AOC3: variants seen among roughly 807,000 people sequenced by gnomAD.
The protein encoded by AOC3 is amine oxidase [copper-containing] 3.
Under a neutral mutation model 55.4 loss-of-function variants are expected in AOC3, and 47 were observed. That is an observed-to-expected ratio of 0.85 (90% CI 0.67 to 1.08). The LOEUF is 1.08. Among genes scored for constraint, AOC3 ranks in the 50% least tolerant of loss-of-function variants. The probability of loss-of-function intolerance (pLI) is 0.00; values close to 1 mark genes in which losing one functional copy is unlikely to be tolerated. For missense variants in AOC3, 853 were observed against 993.1 expected (o/e 0.86, Z 1.90); for synonymous variants, 386 against 410.7 (o/e 0.94, Z 0.73).
rs1475791794 is a variant in AOC3, at chr17:42,851,314, G to A, written c.-30G>A. Reference sequence around the variant, plus strand: ...CGTGAGAATACATTGCTCTCCTTTGGTTGAATCAGCTGTCCCTCTTCGTGG... The same window carrying A: ...CGTGAGAATACATTGCTCTCCTTTGATTGAATCAGCTGTCCCTCTTCGTGG... On this transcript the variant is annotated 5_prime_UTR_variant, in exon 1 of 4. Transcript: ENST00000308423. 1 of 1,567,246 alleles carries A rather than the reference G, an allele frequency of 6.4e-7. No homozygotes were observed. The highest frequency in any genetic ancestry group is 1.2e-5 in the South Asian group (1 of 82,130).
chr17:42,856,146 CTT>C, intron 3 of AOC3, 127 bp from the exon 4 acceptor site: 1 of 1,179,628 alleles, frequency 8.5e-7, no homozygotes, highest in East Asian at 2.3e-5. Context: ...ACTACTTATG[CTT>C]TGACTCCTAC....
intron 1 of AOC3, 78 bp from the exon 2 acceptor site, chr17:42,854,370 C>G: frequency 2.2e-6 from 3 of 1,359,368 alleles, no homozygotes; most frequent in Non-Finnish European, 2.9e-6. Flanking sequence ...GGCCCCCACT[C>G]TGAAGCCAGA....
rs1385688530 is a variant in AOC3, at chr17:42,851,925, T to A, written c.582T>A (p.Leu194=). The change falls in exon 1 of 4, where the codon CTT becomes CTA. Residue 194 remains leucine, a synonymous_variant. Coordinates refer to ENST00000308423, the MANE Select transcript of AOC3 (RefSeq NM_003734.4). ...FNRELPQASG[L]LHHCCFYKHR... is the part of the protein sequence containing the mutation. Reference sequence around the variant, plus strand: ...GAGAGCTGCCCCAGGCTTCTGGGCTTCTCCACCACTGTTGCTTCTACAAGC... The same window carrying A: ...GAGAGCTGCCCCAGGCTTCTGGGCTACTCCACCACTGTTGCTTCTACAAGC... 1.2e-6 allele frequency: 2 copies of A among 1,613,632 alleles called. No homozygotes were observed. Among genetic ancestry groups the A allele is most frequent in the Admixed American group, 3.3e-5 (2 of 60,004 alleles).
rs914484762 is a variant in AOC3, at chr17:42,857,335, C to T, written c.*785C>T. On this transcript the variant is annotated 3_prime_UTR_variant, in exon 4 of 4. Transcript: ENST00000308423. The stretch of plus-strand genomic sequence containing the variant: ...TCTGTGCATTTGTGTCTGCCTGCCT[C>T]ATGCTCTCTATAGAGGAGGATGGTC... 3.9e-5 allele frequency: 6 copies of T among 152,460 alleles called. No homozygotes were observed. The highest frequency in any genetic ancestry group is 3.7e-4 in the East Asian group (2 of 5,340). The allele number at this position is 152,460 out of a possible 1,614,324, so 9.4% of individuals were successfully genotyped here.
rs762888597 is a variant in AOC3 at position 42,852,741 on chromosome 17, C to T, written c.1398C>T (p.Ser466=). Residue 466 remains serine, a synonymous_variant, in exon 1 of 4, where the codon TCC becomes TCT. Transcript: ENST00000308423. ...CGGTGCTGGTCGTCAGATCTATGTC[C>T]ACCTTGCTCAACTATGACTATGTGT... ...AETVLVVRSM[S]TLLNYDYVWD... 7 of 1,614,224 alleles carry T rather than the reference C, an allele frequency of 4.3e-6. No homozygotes were observed. The Admixed American group carries it at 5.0e-5, about 12-fold the overall frequency.
chr17:42,854,414 C>T, intron 1 of AOC3, 34 bp from the exon 2 acceptor site: 1 of 1,452,700 alleles, frequency 6.9e-7, no homozygotes, highest in Non-Finnish European at 9.1e-7. Flanking sequence ...AGGGCAGTTG[C>T]CTGACAGGCC....
chr17:42,851,637 A>G lies in AOC3; in HGVS notation c.294A>G (p.Ser98=), dbSNP rs1403194520. ...QARPSDNCVF[S]VELQLPPKAA... is the part of the protein sequence containing the mutation. ...GGCCCTCGGACAACTGTGTCTTCTC[A>G]GTGGAGTTGCAGCTGCCTCCCAAGG... Residue 98 remains serine, a synonymous_variant, in exon 1 of 4, where the codon TCA becomes TCG. Transcript: ENST00000308423. 2 of 1,612,696 alleles carry G rather than the reference A, an allele frequency of 1.2e-6. No individual in the cohort carries two copies. Among genetic ancestry groups the G allele is most frequent in the East Asian group, 2.2e-5 (1 of 44,824 alleles).
rs1222760553 is a variant in AOC3 at position 42,852,692 on chromosome 17, A to T, written c.1349A>T (p.His450Leu). 6.2e-7 allele frequency: 1 copy of T among 1,614,092 alleles called. No homozygotes were observed. The highest frequency in any genetic ancestry group is 2.2e-5 in the East Asian group (1 of 44,886). The change falls in exon 1 of 4, where the codon CAC (histidine) becomes CTC (leucine). Residue 450 changes from histidine to leucine, a missense_variant. Physicochemically the swap from His to Leu is moderately conservative, Grantham distance 99. Transcript: ENST00000308423. ...LRRHHSDLYS[H>L]YFGGLAETVL... ...CGACACCACTCAGATCTCTACTCGCACTACTTTGGGGGTCTTGCGGAAACG... is the reference window on the plus strand; with the variant it reads ...CGACACCACTCAGATCTCTACTCGCTCTACTTTGGGGGTCTTGCGGAAACG...
chr17:42,853,508 C>A, intron 1 of AOC3: 1 of 613,466 alleles, frequency 1.6e-6, no homozygotes, highest in Non-Finnish European at 2.0e-6. Context: ...AGTCTGGTCA[C>A]AGAGAGAGCC....
In AOC3 at chr17:42,855,584, C is replaced by T. The variant is rs569886039; in HGVS notation, c.2016+11C>T. On this transcript the variant is annotated intron_variant, in intron 3 of 3. Transcript: ENST00000308423. ...ACCATTGCTGGAAAGGTCAGCTGGC[C>T]GGGGTAGAGGGTACAGGATGAGCCT... The T allele has an allele frequency of 3.0e-5, 49 of 1,614,080 alleles. No individual in the cohort carries two copies. The highest frequency in any genetic ancestry group is 1.7e-4 in the Admixed American group (10 of 60,018).
rs944436911 is a variant in AOC3, at chr17:42,852,945, T to G, written c.1600+2T>G. On this transcript the variant is annotated splice_donor_variant, in intron 1 of 3. Transcript: ENST00000308423. LOFTEE classifies it high-confidence loss of function. ...TCAAGGTGGATCTGGATGTAGCAGG[T>G]AAGACATTTTGGTGGGGAGAAGGCT... 36 of 1,597,676 alleles carry G rather than the reference T, an allele frequency of 2.3e-5. No individual in the cohort carries two copies. The highest frequency in any genetic ancestry group is 3.0e-5 in the Non-Finnish European group (35 of 1,166,382).
chr17:42,857,801 C>T lies in AOC3; in HGVS notation c.*1251C>T, dbSNP rs190353703. ...TTAAATCAATTCTGATACAGCCTTACAATACAATAGTATGCAGCTAAAAAA... is the reference window on the plus strand; with the variant it reads ...TTAAATCAATTCTGATACAGCCTTATAATACAATAGTATGCAGCTAAAAAA... On this transcript the variant is annotated 3_prime_UTR_variant, in exon 4 of 4. Coordinates refer to ENST00000308423, the MANE Select transcript of AOC3 (RefSeq NM_003734.4). 3.3e-4 allele frequency: 50 copies of T among 152,286 alleles called. No individual in the cohort carries two copies. The highest frequency in any genetic ancestry group is 2.7e-3 in the Admixed American group (42 of 15,302). The allele number at this position is 152,286 out of a possible 1,614,324, so 9.4% of individuals were successfully genotyped here.
chr17:42,854,503 C>T lies in AOC3; in HGVS notation c.1656C>T (p.Pro552=). Reference sequence around the variant, plus strand: ...TGGTCTTTGTCCCCATGGCTGTGCCCTGGAGCCCTGAGCACCAGCTGCAGA... The same window carrying T: ...TGGTCTTTGTCCCCATGGCTGTGCCTTGGAGCCCTGAGCACCAGCTGCAGA... ...EDMVFVPMAV[P]WSPEHQLQRL... Residue 552 remains proline, a synonymous_variant, in exon 2 of 4, where the codon CCC becomes CCT. Transcript: ENST00000308423. The T allele has an allele frequency of 6.2e-7, 1 of 1,603,046 alleles. No homozygotes were observed. The highest frequency in any genetic ancestry group is 1.1e-5 in the South Asian group (1 of 89,938).
Position 42,852,660 on chromosome 17 carries a change from C to A in AOC3, c.1317C>A (p.Pro439=). ...FCVFEQNQGL[P]LRRHHSDLYS... Reference sequence around the variant, plus strand: ...TGTTTGAACAGAACCAGGGCCTCCCCCTGCGGCGACACCACTCAGATCTCT... The same window carrying A: ...TGTTTGAACAGAACCAGGGCCTCCCACTGCGGCGACACCACTCAGATCTCT... The change falls in exon 1 of 4, where the codon CCC becomes CCA. Residue 439 remains proline (P), a synonymous_variant. Coordinates refer to ENST00000308423, the MANE Select transcript of AOC3 (RefSeq NM_003734.4). 2 of 1,614,174 alleles carry A rather than the reference C, an allele frequency of 1.2e-6. No individual in the cohort carries two copies. The highest frequency in any genetic ancestry group is 1.7e-6 in the Non-Finnish European group (2 of 1,180,042).
At position 42,852,690 on chromosome 17, in the gene AOC3, G is replaced by A. The variant is rs115107156; in HGVS notation, c.1347G>A (p.Ser449=). The change falls in exon 1 of 4, where the codon TCG becomes TCA. Residue 449 remains serine (S), a synonymous_variant. Transcript: ENST00000308423. ...PLRRHHSDLY[S]HYFGGLAETV... ...GGCGACACCACTCAGATCTCTACTC[G>A]CACTACTTTGGGGGTCTTGCGGAAA... 286 of 1,614,166 alleles carry A rather than the reference G, an allele frequency of 1.8e-4. No individual in the cohort carries two copies. In the African/African-American group the frequency reaches 3.2e-3, roughly 18 times the overall value.
Position 42,852,283 on chromosome 17 carries a change from C to G in AOC3, c.940C>G (p.Leu314Val). 6.2e-7 allele frequency: 1 copy of G among 1,614,114 alleles called. No homozygotes were observed. The highest frequency in any genetic ancestry group is 8.5e-7 in the Non-Finnish European group (1 of 1,180,032). ...SPVPPGPAPP[L>V]QFYPQGPRFS... ...TGTGCCCCCGGGTCCAGCTCCCCCT[C>G]TACAGTTCTATCCCCAAGGCCCCCG... is the stretch of plus-strand genomic sequence containing the variant. Residue 314 changes from leucine (L) to valine (V), a missense_variant, in exon 1 of 4, where the codon CTA becomes GTA. Coordinates refer to ENST00000308423, the MANE Select transcript of AOC3 (RefSeq NM_003734.4).
At position 42,851,984 on chromosome 17, in the gene AOC3, C is replaced by T. The variant is rs2055675463; in HGVS notation, c.641C>T (p.Ala214Val). 1.9e-6 allele frequency: 3 copies of T among 1,613,696 alleles called. No homozygotes were observed. Among genetic ancestry groups the T allele is most frequent in the Admixed American group, 1.7e-5 (1 of 60,000 alleles). Reference sequence around the variant, plus strand: ...CGGAACCTGGTGACAATGACCACGGCTCCCCGTGGTCTGCAATCAGGGGAC... The same window carrying T: ...CGGAACCTGGTGACAATGACCACGGTTCCCCGTGGTCTGCAATCAGGGGAC... ...RGRNLVTMTT[A>V]PRGLQSGDRA... Residue 214 changes from alanine to valine, a missense_variant, in exon 1 of 4, where the codon GCT (alanine) becomes GTT (valine). Ala to Val is a moderately conservative substitution (Grantham distance 64). Transcript: ENST00000308423.
chr17:42,854,108 C>G (rs1364472197), intron 1 of AOC3: 1 of 197,330 alleles, frequency 5.1e-6, no homozygotes, highest in Non-Finnish European at 1.0e-5. Context: ...GCTCCTCTCA[C>G]AGGACAGGCC....
chr17:42,851,707 C>T lies in AOC3; in HGVS notation c.364C>T (p.Arg122Trp), dbSNP rs1211492816. ...HLDRGSPPPA[R>W]EALAIVFFGR... ...GGACAGGGGGAGCCCCCCACCTGCC[C>T]GGGAGGCACTGGCCATCGTCTTCTT... The change falls in exon 1 of 4, where the codon CGG (arginine) becomes TGG (tryptophan). Residue 122 changes from arginine to tryptophan, a missense_variant. Coordinates refer to ENST00000308423, the MANE Select transcript of AOC3 (RefSeq NM_003734.4). 20 of 1,612,194 alleles carry T rather than the reference C, an allele frequency of 1.2e-5. No homozygotes were observed. Among genetic ancestry groups the T allele is most frequent in the East Asian group, 2.2e-5 (1 of 44,860 alleles).
Sources: gnomAD v4.1 joint callset for allele counts on GRCh38, gnomAD v4.1.1 for gene constraint, MANE v1.5 for transcripts, NCBI Gene and HGNC (gene_info 2026-07-23, HGNC 2026-07-21) for gene names.